Variants in ARHGAP45 observed in about 807,000 individuals in gnomAD.
ARHGAP45 encodes Rho GTPase activating protein 45, also known as rho GTPase-activating protein 45.
In ARHGAP45, 56 loss-of-function variants were observed where a neutral mutation model predicts 116.1. The observed-to-expected ratio is 0.48, with a 90% CI of 0.39 to 0.60. The LOEUF is 0.60. Among genes scored for constraint, ARHGAP45 ranks in the 20% least tolerant of loss-of-function variants. The pLI is 0.00. For synonymous variants in ARHGAP45, 866 were observed against 701.7 expected (o/e 1.23, Z -3.70); for missense variants, 1,622 against 1,601.0 (o/e 1.01, Z -0.22).
At chr19:1,070,736 C>T (rs952700157) in intron 2 of ARHGAP45, among the ~76,000 whole-genome samples, 1 of 151,592 alleles carries the variant, frequency 6.6e-6, no homozygotes, top group Non-Finnish European at 1.5e-5. Context: ...CTCCCGGCTC[C>T]GCCTCCCAAA....
chr19:1,075,902 C>T (rs2043237368), intron 10 of ARHGAP45, among the ~76,000 whole-genome samples: 1 of 152,246 alleles, frequency 6.6e-6, no homozygotes, highest in African/African-American at 2.4e-5. Flanking sequence ...CCGGCAAACA[C>T]ATATCTGCCC....
intron 17 of ARHGAP45, 61 bp downstream of exon 17, chr19:1,081,125 C>A: frequency 6.6e-7 from 1 of 1,505,548 alleles, no homozygotes; most frequent in Non-Finnish European, 9.0e-7. Context: ...GTGCCCAGCA[C>A]CGCCGGCCTG....
intron 15 of ARHGAP45, 46 bp from the exon 16 acceptor site, chr19:1,080,636 G>A (rs2043405161): frequency 6.2e-7 from 1 of 1,603,144 alleles, no homozygotes; most frequent in Admixed American, 1.7e-5. Context: ...TGATGGAGGG[G>A]GCCCCCCTGG....
Position 1,068,623 on chromosome 19 carries a change from G to A in ARHGAP45, c.300G>A (p.Pro100=), listed in dbSNP as rs148289980. ...GGAGCCCACTGACAGCCGCCAGCCC[G>A]GGCGAGCTGCCCACCGAGGGTGCCG... is the stretch of plus-strand genomic sequence containing the variant. ...SHRSPLTAAS[P]GELPTEGAGP... The change falls in exon 2 of 23, where the codon CCG becomes CCA. Residue 100 remains proline (P), a synonymous_variant. Coordinates refer to ENST00000313093, the MANE Select transcript of ARHGAP45 (RefSeq NM_012292.5). This position sits in a 1 kb window ranked among gnomAD's most constrained non-coding sequence, Gnocchi z 7.5. The A allele has an allele frequency of 3.0e-4, 482 of 1,611,714 alleles. 3 individuals are homozygous for A. Among genetic ancestry groups the A allele is most frequent in the Middle Eastern group, 1.2e-3 (7 of 6,058 alleles).
chr19:1,074,891 GGGC>G lies in ARHGAP45; in HGVS notation c.1185+15_1185+17del. 1 of 1,444,720 alleles carries G rather than the reference GGGC, an allele frequency of 6.9e-7. No individual in the cohort carries two copies. The highest frequency in any genetic ancestry group is 9.3e-7 in the Non-Finnish European group (1 of 1,072,904). The allele number at this position is 1,444,720 out of a possible 1,614,324, so 89.5% of individuals were successfully genotyped here. A position where few individuals can be genotyped will look rare whatever the true frequency, so the allele number is the denominator to read the frequency against. ...CCCAGAGGAAGCTGGTGAGGCGGGCGGGCGGGGGCGGGCGGGGGCGGGCAGCGG... is the reference window on the plus strand; with the variant it reads ...CCCAGAGGAAGCTGGTGAGGCGGGCGGGGGGCGGGCGGGGGCGGGCAGCGG... On this transcript the variant is annotated intron_variant, in intron 10 of 22. Coordinates refer to ENST00000313093, the MANE Select transcript of ARHGAP45 (RefSeq NM_012292.5).
In ARHGAP45 at chr19:1,074,887, G is replaced by C. The variant is rs1223110819; in HGVS notation, c.1185+8G>C. 2 of 1,409,656 alleles carry C rather than the reference G, an allele frequency of 1.4e-6. No individual in the cohort carries two copies. The highest frequency in any genetic ancestry group is 2.2e-5 in the Admixed American group (1 of 45,400). 87.3% of individuals were successfully genotyped at this position (1,409,656 alleles called of 1,614,324 possible). On this transcript the variant is annotated splice_region_variant and intron_variant, in intron 10 of 22. Transcript: ENST00000313093. ...CGTGCCCAGAGGAAGCTGGTGAGGC[G>C]GGCGGGCGGGGGCGGGCGGGGGCGG...
intron 17 of ARHGAP45, 75 bp from the exon 18 acceptor site, chr19:1,081,475 G>A: frequency 7.3e-7 from 1 of 1,372,496 alleles, no homozygotes; most frequent in Non-Finnish European, 9.6e-7. Flanking sequence ...CCCCGGGGAG[G>A]TGGGGTGGAG....
At chr19:1,085,113 AAAAG>A (rs1158449596) in intron 22 of ARHGAP45, among the ~76,000 whole-genome samples, 3 of 152,150 alleles carry the variant, frequency 2.0e-5, no homozygotes, top group Admixed American at 6.5e-5. Flanking sequence ...GGCAATTTAC[AAAAG>A]AAAGAGGTTT....
Position 1,068,161 on chromosome 19 carries a change from C to T in ARHGAP45, c.91-253C>T, listed in dbSNP as rs954699648. ...CCAGGAAGTGGGGACCCCCCTCCCG[C>T]GCCTCCCCGCAGGCCCCGCCCCGGC... On this transcript the variant is annotated intron_variant, in intron 1 of 22. Coordinates refer to ENST00000313093, the MANE Select transcript of ARHGAP45 (RefSeq NM_012292.5). The surrounding 1 kb of genome is among the most constrained non-coding windows in gnomAD (Gnocchi z 7.5). Among the ~76,000 whole-genome samples, 1 of 152,078 alleles carries T rather than the reference C, an allele frequency of 6.6e-6. No individual in the cohort carries two copies. Among genetic ancestry groups the T allele is most frequent in the Non-Finnish European group, 1.5e-5 (1 of 67,994 alleles).
chr19:1,073,146 C>G lies in ARHGAP45; in HGVS notation c.422-3C>G. The G allele has an allele frequency of 6.2e-7, 1 of 1,604,032 alleles. No homozygotes were observed. The highest frequency in any genetic ancestry group is 8.5e-7 in the Non-Finnish European group (1 of 1,179,554). The stretch of plus-strand genomic sequence containing the variant: ...CACTGCTCACTCCGACTCTCCCCAG[C>G]AGACCTCCTTGAGGCCCGCCGCCCG... On this transcript the variant is annotated splice_region_variant and splice_polypyrimidine_tract_variant and intron_variant, in intron 2 of 22. Coordinates refer to ENST00000313093, the MANE Select transcript of ARHGAP45 (RefSeq NM_012292.5).
In ARHGAP45 at chr19:1,074,019, GC is replaced by G; in HGVS notation, c.790+10del. ...GCCTGGAAGACTGTGACGCCGGTAA[GC>G]CCCCACCCAGCGGCAGGCAGGCATT... is the stretch of plus-strand genomic sequence containing the variant. On this transcript the variant is annotated splice_donor_region_variant and intron_variant, in intron 6 of 22. Transcript: ENST00000313093. The G allele has an allele frequency of 6.3e-7, 1 of 1,597,242 alleles. No individual in the cohort carries two copies. Among genetic ancestry groups the G allele is most frequent in the Admixed American group, 1.7e-5 (1 of 57,544 alleles).
rs949020383 is a variant in ARHGAP45 at position 1,086,347 on chromosome 19, C to T, written c.*341C>T. The T allele has an allele frequency of 3.0e-5, 8 of 267,060 alleles. No homozygotes were observed. Among genetic ancestry groups the T allele is most frequent in the Admixed American group, 9.9e-5 (2 of 20,184 alleles). 16.5% of individuals were successfully genotyped at this position (267,060 alleles called of 1,614,324 possible). On this transcript the variant is annotated 3_prime_UTR_variant, in exon 23 of 23. Transcript: ENST00000313093. ...GCCCAGTGCATCCCCCAGGTCATCA[C>T]GGGGACGCAGGAGGCAGGCCCTGCC...
rs548146975 is a variant in ARHGAP45 at position 1,082,854 on chromosome 19, C to T, written c.2532C>T (p.Leu844=). Residue 844 remains leucine, a synonymous_variant, in exon 20 of 23, where the codon CTC becomes CTT. Transcript: ENST00000313093. ...ACTCTGCGCAGCTTCCCGAGCCGCT[C>T]ATCTCCTTCCGCCTCTACCACGAGC... ...KLYLRQLPEP[L]ISFRLYHELV... 1 of 1,530,618 alleles carries T rather than the reference C, an allele frequency of 6.5e-7. No homozygotes were observed. 94.8% of individuals were successfully genotyped at this position (1,530,618 alleles called of 1,614,324 possible). A position where few individuals can be genotyped will look rare whatever the true frequency, so the allele number is the denominator to read the frequency against.
At chr19:1,080,819 G>T (rs534210472) in intron 16 of ARHGAP45, 33 bp downstream of exon 16, 2 of 1,611,446 alleles carry the variant, frequency 1.2e-6, no homozygotes, top group East Asian at 4.5e-5. Flanking sequence ...GGAGAGAGAG[G>T]GGGGTTTGGA....
chr19:1,079,745 G>A lies in ARHGAP45; in HGVS notation c.1417G>A (p.Ala473Thr). The change falls in exon 12 of 23, where the codon GCG becomes ACG. Residue 473 changes from alanine (A) to threonine (T), a missense_variant. This residue lies in a region of ARHGAP45 where 1,334 missense variants were observed against 1,263.8 expected (regional missense o/e 1.06). Transcript: ENST00000313093. ...MATYRTCVAD[A>T]KTQKQELEDT... Reference sequence around the variant, plus strand: ...CACCTACCGCACCTGCGTGGCCGACGCGAAGACGCAGAAGCAGGAGCTGGA... The same window carrying A: ...CACCTACCGCACCTGCGTGGCCGACACGAAGACGCAGAAGCAGGAGCTGGA... The A allele has an allele frequency of 3.1e-6, 5 of 1,612,600 alleles. No homozygotes were observed. The highest frequency in any genetic ancestry group is 2.2e-5 in the East Asian group (1 of 44,866).
chr19:1,083,150 G>A lies in ARHGAP45; in HGVS notation c.2752G>A (p.Glu918Lys), dbSNP rs1397316285. The A allele has an allele frequency of 6.2e-7, 1 of 1,608,196 alleles. No individual in the cohort carries two copies. The highest frequency in any genetic ancestry group is 8.5e-7 in the Non-Finnish European group (1 of 1,178,966). ...YLLRHLRRIVEVEQDNKMTPG... is the reference protein window; with the variant it reads ...YLLRHLRRIVKVEQDNKMTPG... ...CCCCTGCCCACCCCGCAGGATCGTG[G>A]AGGTGGAGCAGGACAACAAGATGAC... The change falls in exon 21 of 23, where the codon GAG becomes AAG. Residue 918 changes from glutamate to lysine, a missense_variant. Coordinates refer to ENST00000313093, the MANE Select transcript of ARHGAP45 (RefSeq NM_012292.5).
Position 1,074,737 on chromosome 19 carries a change from C to T in ARHGAP45, c.1104+13C>T, listed in dbSNP as rs1371493668. ...GACCTTCATGCAGGTGCGTGGTGCC[C>T]GGGAGGGCGGGCTGGGCGGGGGTGT... is the stretch of plus-strand genomic sequence containing the variant. On this transcript the variant is annotated intron_variant, in intron 9 of 22. Transcript: ENST00000313093. 1.4e-6 allele frequency: 2 copies of T among 1,408,320 alleles called. No homozygotes were observed. Among genetic ancestry groups the T allele is most frequent in the East Asian group, 5.6e-5 (2 of 35,914 alleles). 87.2% of individuals were successfully genotyped at this position (1,408,320 alleles called of 1,614,324 possible).
In ARHGAP45 at chr19:1,071,178, G is replaced by A; in HGVS notation, c.422-1971G>A. On this transcript the variant is annotated intron_variant, in intron 2 of 22. Transcript: ENST00000313093. The surrounding 1 kb of genome is among the most constrained non-coding windows in gnomAD (Gnocchi z 4.6). ...GGGACCCCAGGGCGGGGTTTCCCTC[G>A]CGGGGGCGGGGCCTCCTGACCGGCC... is the stretch of plus-strand genomic sequence containing the variant. 1.5e-6 allele frequency: 2 copies of A among 1,342,340 alleles called. No homozygotes were observed. Among genetic ancestry groups the A allele is most frequent in the Non-Finnish European group, 1.9e-6 (2 of 1,048,700 alleles). The allele number at this position is 1,342,340 out of a possible 1,614,324, so 83.2% of individuals were successfully genotyped here. A position where few individuals can be genotyped will look rare whatever the true frequency, so the allele number is the denominator to read the frequency against.
At chr19:1,073,900 C>A (rs1379124840) in intron 5 of ARHGAP45, 48 bp from the exon 6 acceptor site, 2 of 1,530,224 alleles carry the variant, frequency 1.3e-6, no homozygotes, top group East Asian at 2.4e-5. Context: ...GTGGGCACTG[C>A]CCAGGGCCCC....
Sources: allele counts gnomAD v4.1 joint callset (sites outside exome capture counted in the v4.1 genomes callset), GRCh38; gene constraint gnomAD v4.1.1; regional missense constraint gnomAD v4.1.1; non-coding constraint Gnocchi (gnomAD v3.1); transcripts MANE v1.5; gene names NCBI Gene and HGNC (gene_info 2026-07-23, HGNC 2026-07-21).